EYA1: variants seen among roughly 807,000 people sequenced by gnomAD.
The protein encoded by EYA1 is protein phosphatase EYA1.
A neutral mutation model predicts 82.0 loss-of-function variants in EYA1; 16 were observed. That is an observed-to-expected ratio of 0.20 (90% CI 0.13 to 0.30). EYA1 has a LOEUF of 0.30. Among genes scored for constraint, EYA1 ranks in the 10% least tolerant of loss-of-function variants. The pLI is 1.00. For synonymous variants in EYA1, 261 were observed against 264.4 expected, an observed-to-expected ratio of 0.99 and a Z score of 0.12; for missense variants, 633 against 730.7, an observed-to-expected ratio of 0.87 and a Z score of 1.54.
At chr8:71,525,813 G>A (rs1315652314) in intron 2 of EYA1, among the ~76,000 whole-genome samples, 1 of 152,164 alleles carries the variant, frequency 6.6e-6, no homozygotes, top group Non-Finnish European at 1.5e-5. Context: ...GGGGGCTAAA[G>A]CTGCCACACT....
At chr8:71,300,676 T>C (rs1820110526) in intron 7 of EYA1, among the ~76,000 whole-genome samples, 1 of 152,130 alleles carries the variant, frequency 6.6e-6, no homozygotes, top group Admixed American at 6.6e-5. Flanking sequence ...GCAAAGATAT[T>C]CTTCAGTGTT....
chr8:71,462,313 G>A (rs916733379), intron 2 of EYA1, among the ~76,000 whole-genome samples: 10 of 152,274 alleles, frequency 6.6e-5, no homozygotes, highest in African/African-American at 1.4e-4. Flanking sequence ...GGGGACTGGC[G>A]TGCCAGTGCT....
intron 14 of EYA1, among the ~76,000 whole-genome samples, chr8:71,216,311 T>C (rs1428494867): frequency 6.6e-6 from 1 of 152,168 alleles, no homozygotes; most frequent in Non-Finnish European, 1.5e-5. Context: ...TGAACCAAAG[T>C]CAAAAGATTC....
At chr8:71,271,486 G>T (rs1816524675) in intron 10 of EYA1, among the ~76,000 whole-genome samples, 2 of 152,118 alleles carry the variant, frequency 1.3e-5, no homozygotes, top group Admixed American at 6.5e-5. Context: ...ACAGAATTTT[G>T]TTCAAGTAGA....
intron 2 of EYA1, among the ~76,000 whole-genome samples, chr8:71,418,002 C>A (rs944952756): frequency 2.0e-5 from 3 of 152,150 alleles, no homozygotes; most frequent in African/African-American, 4.8e-5. Context: ...TCCTTTGTAC[C>A]CTTCTCTGAG....
chr8:71,369,159 C>T (rs1229246655), intron 2 of EYA1, among the ~76,000 whole-genome samples: 3 of 142,506 alleles, frequency 2.1e-5, no homozygotes, highest in African/African-American at 5.3e-5. Flanking sequence ...GCCCAGATCA[C>T]ATCACTGCTC....
chr8:71,453,007 G>A (rs980348409), intron 2 of EYA1, among the ~76,000 whole-genome samples: 2 of 152,082 alleles, frequency 1.3e-5, no homozygotes, highest in Non-Finnish European at 2.9e-5. Flanking sequence ...TCATAAAGAA[G>A]CTAAAAAACC....
chr8:71,240,585 C>T (rs572241855), intron 12 of EYA1, among the ~76,000 whole-genome samples: 7 of 152,260 alleles, frequency 4.6e-5, no homozygotes, highest in South Asian at 2.1e-4. Flanking sequence ...ACGGGTGACC[C>T]GAGACCAGAG....
At chr8:71,464,982 CTAA>C (rs1808673296) in intron 2 of EYA1, among the ~76,000 whole-genome samples, 1 of 152,152 alleles carries the variant, frequency 6.6e-6, no homozygotes, top group African/African-American at 2.4e-5. Context: ...TCCACAAATA[CTAA>C]TACGTCTTAT....
chr8:71,307,496 T>G (rs932264647), intron 7 of EYA1, among the ~76,000 whole-genome samples: 1 of 152,120 alleles, frequency 6.6e-6, no homozygotes, highest in Non-Finnish European at 1.5e-5. Context: ...TCAAACTACA[T>G]GATGTATAAA....
At chr8:71,226,364 AATATG>A (rs1166365228) in intron 12 of EYA1, among the ~76,000 whole-genome samples, 3 of 151,940 alleles carry the variant, frequency 2.0e-5, no homozygotes, top group African/African-American at 7.2e-5. Flanking sequence ...AATGTTAATA[AATATG>A]ATATGTCAGT....
At chr8:71,334,784 G>A (rs998524171) in intron 3 of EYA1, among the ~76,000 whole-genome samples, 5 of 152,222 alleles carry the variant, frequency 3.3e-5, no homozygotes, top group Non-Finnish European at 7.3e-5. Context: ...ATAACTGAAT[G>A]TAAATGAAGC....
chr8:71,304,944 G>C lies in EYA1; in HGVS notation c.557-5224C>G, dbSNP rs1419010010. 5.6e-5 allele frequency among the ~76,000 whole-genome samples: 8 copies of C among 143,106 alleles called. 1 individual carries two copies. The highest frequency in any genetic ancestry group is 2.0e-4 in the African/African-American group (8 of 40,532). The allele number at this position is 143,106 out of a possible 152,430, so 93.9% of individuals were successfully genotyped here. A position where few individuals can be genotyped will look rare whatever the true frequency, so the allele number is the denominator to read the frequency against. ...GAAAGCTTCAGTGTATGGGCTGCTA[G>C]ACTCACTTGCAGGCTTAGCAAGAGA... On this transcript the variant is annotated intron_variant, in intron 7 of 17. Transcript: ENST00000340726.
intron 2 of EYA1, among the ~76,000 whole-genome samples, chr8:71,370,397 G>A (rs919407069): frequency 1.4e-5 from 2 of 147,904 alleles, no homozygotes; most frequent in Admixed American, 6.8e-5. Context: ...CAGGTACTAT[G>A]GGCATAGATG....
intron 4 of EYA1, among the ~76,000 whole-genome samples, chr8:71,331,422 A>T (rs1823848282): frequency 6.6e-6 from 1 of 151,304 alleles, no homozygotes; most frequent in Non-Finnish European, 1.5e-5. Flanking sequence ...CAAAAAGATT[A>T]TCTCTTTGTA....
intron 10 of EYA1, 37 bp downstream of exon 10, chr8:71,271,721 C>A (rs775864240): frequency 5.6e-6 from 9 of 1,613,726 alleles, no homozygotes; most frequent in Non-Finnish European, 7.6e-6. Context: ...GCTATTAAGA[C>A]ACCTTTCTAT....
At chr8:71,535,958 A>T in intron 1 of EYA1, 1 of 409,770 alleles carries the variant, frequency 2.4e-6, no homozygotes. Context: ...ACAAGTCAAG[A>T]ACACTTACCT....
At chr8:71,316,172 A>G (rs1254685570) in intron 7 of EYA1, among the ~76,000 whole-genome samples, 1 of 152,144 alleles carries the variant, frequency 6.6e-6, no homozygotes, top group Non-Finnish European at 1.5e-5. Context: ...TTTTTCAAAG[A>G]AAGGTATCAA....
chr8:71,447,148 A>G (rs1806954649), intron 2 of EYA1, among the ~76,000 whole-genome samples: 1 of 151,558 alleles, frequency 6.6e-6, no homozygotes, highest in Non-Finnish European at 1.5e-5. Flanking sequence ...CCATCAAAAA[A>G]GACAATAACT....
Sources: gnomAD v4.1 joint callset for allele counts (sites outside exome capture counted in the v4.1 genomes callset) on GRCh38, gnomAD v4.1.1 for gene constraint, MANE v1.5 for transcripts, NCBI Gene and HGNC (gene_info 2026-07-23, HGNC 2026-07-21) for gene names.